KCNAB2: variants seen among roughly 807,000 people sequenced by gnomAD.
The protein encoded by KCNAB2 is potassium voltage-gated channel subfamily A regulatory beta subunit 2.
A neutral mutation model predicts 63.6 loss-of-function variants in KCNAB2; 29 were observed. The ratio of observed to expected loss-of-function variants is 0.46; its 90% confidence interval spans 0.34 to 0.62. The LOEUF is 0.62. KCNAB2 is among the 20% of genes least tolerant of loss of function. The probability of loss-of-function intolerance (pLI) is 0.01; values close to 1 mark genes in which losing one functional copy is unlikely to be tolerated. For synonymous variants in KCNAB2, 222 were observed against 224.2 expected (o/e 0.99, Z 0.09); for missense variants, 359 against 563.9 (o/e 0.64, Z 3.68).
Position 6,003,092 on chromosome 1 carries a change from C to T in KCNAB2, c.-53+10304C>T, listed in dbSNP as rs892784125. 9.9e-5 allele frequency among the ~76,000 whole-genome samples: 15 copies of T among 152,224 alleles called. No individual in the cohort carries two copies. Among genetic ancestry groups the T allele is most frequent in the Admixed American group, 2.0e-4 (3 of 15,294 alleles). On this transcript the variant is annotated intron_variant, in intron 1 of 16. Transcript: ENST00000341524. The surrounding 1 kb of genome is among the most constrained non-coding windows in gnomAD (Gnocchi z 4.1). ...GCCTGATCCTGCGCCCCAGGCGACC[C>T]GTTCACGGGGCGGGCGCTCGCCCTT...
intron 1 of KCNAB2, among the ~76,000 whole-genome samples, chr1:6,012,860 C>A (rs1658272142): frequency 6.6e-6 from 1 of 151,996 alleles, no homozygotes; most frequent in South Asian, 2.1e-4. Context: ...TGTGCAGGTG[C>A]TCACCCATGC....
Position 6,100,428 on chromosome 1 carries a change from G to C in KCNAB2, c.*1854G>C, listed in dbSNP as rs1362160659. 5.8e-6 allele frequency: 1 copy of C among 172,356 alleles called. No homozygotes were observed. The highest frequency in any genetic ancestry group is 1.2e-5 in the Non-Finnish European group (1 of 81,832). The allele number at this position is 172,356 out of a possible 1,614,324, so 10.7% of individuals were successfully genotyped here. On this transcript the variant is annotated 3_prime_UTR_variant, in exon 16 of 16. Transcript: ENST00000378083. ...AGCCTATGGCCCTGGGCCCAGGTGGGGGTCGCCTGCTTCCTTCCCGGACAG... is the reference window on the plus strand; with the variant it reads ...AGCCTATGGCCCTGGGCCCAGGTGGCGGTCGCCTGCTTCCTTCCCGGACAG...
At chr1:6,088,086 G>A (rs1320184774) in intron 7 of KCNAB2, among the ~76,000 whole-genome samples, 1 of 151,716 alleles carries the variant, frequency 6.6e-6, no homozygotes, top group Non-Finnish European at 1.5e-5. Context: ...TTGAGACAGG[G>A]TCTCGCTTTG....
chr1:6,063,872 G>A (rs1662526228), intron 2 of KCNAB2, among the ~76,000 whole-genome samples: 2 of 152,222 alleles, frequency 1.3e-5, no homozygotes, highest in African/African-American at 4.8e-5. Flanking sequence ...GTGGGCGTAT[G>A]TTTTCAGTTA....
chr1:6,087,435 A>G lies in KCNAB2; in HGVS notation c.426-32A>G. On this transcript the variant is annotated intron_variant, in intron 6 of 15. Coordinates refer to ENST00000378083, the MANE Select transcript of KCNAB2 (RefSeq NM_001199862.2). This position sits in a 1 kb window ranked among gnomAD's most constrained non-coding sequence, Gnocchi z 6.4. ...GGAGGACCCCCCAGGGGCCGGGCTTATCACACCCCTTCTTTCTCTTCTGTT... is the reference window on the plus strand; with the variant it reads ...GGAGGACCCCCCAGGGGCCGGGCTTGTCACACCCCTTCTTTCTCTTCTGTT... The G allele has an allele frequency of 6.2e-7, 1 of 1,613,088 alleles. No homozygotes were observed. The highest frequency in any genetic ancestry group is 8.5e-7 in the Non-Finnish European group (1 of 1,179,058).
chr1:6,025,853 TCCC>T (rs1570887340), intron 1 of KCNAB2, among the ~76,000 whole-genome samples: 1 of 111,458 alleles, frequency 9.0e-6, no homozygotes, highest in East Asian at 3.4e-4. Context: ...ACACAGCCGA[TCCC>T]GGCACACAGC....
At chr1:5,999,536 G>T (rs1019624662) in intron 1 of KCNAB2, among the ~76,000 whole-genome samples, 2 of 152,204 alleles carry the variant, frequency 1.3e-5, no homozygotes, top group African/African-American at 4.8e-5. Flanking sequence ...TTGGGAACAT[G>T]TGAAGCCCAC....
At chr1:6,040,528 T>C (rs750142415) in exon 2 of KCNAB2, 1 of 1,569,938 alleles carries the variant, frequency 6.4e-7, no homozygotes, top group Non-Finnish European at 8.8e-7. Flanking sequence ...ATTTTCCCAC[T>C]GTAAAAAACC....
chr1:6,051,563 T>C lies in KCNAB2; in HGVS notation c.27T>C (p.Ser9=). MLSMTYSE[S]LRSVSSRCHS... ...TGCTGTCCATGACGTACAGCGAGAG[T>C]CTGCGGAGCGTGAGCAGCAGGTGCC... Residue 9 remains serine, a synonymous_variant, in exon 2 of 16, where the codon AGT becomes AGC. Coordinates refer to ENST00000378083, the MANE Select transcript of KCNAB2 (RefSeq NM_001199862.2). 1 of 1,532,770 alleles carries C rather than the reference T, an allele frequency of 6.5e-7. No individual in the cohort carries two copies. The highest frequency in any genetic ancestry group is 8.7e-7 in the Non-Finnish European group (1 of 1,144,832). The allele number at this position is 1,532,770 out of a possible 1,614,324, so 94.9% of individuals were successfully genotyped here. A position where few individuals can be genotyped will look rare whatever the true frequency, so the allele number is the denominator to read the frequency against.
In KCNAB2 at chr1:6,096,610, G is replaced by A. The variant is rs369220577; in HGVS notation, c.949-26G>A. Reference sequence around the variant, plus strand: ...AGGTGACCTGCTCTCATCTGTAGCTGTGCTGCTCCCCTCCCCCGCAACCAG... The same window carrying A: ...AGGTGACCTGCTCTCATCTGTAGCTATGCTGCTCCCCTCCCCCGCAACCAG... On this transcript the variant is annotated intron_variant, in intron 13 of 15. Transcript: ENST00000378083. The surrounding 1 kb of genome is among the most constrained non-coding windows in gnomAD (Gnocchi z 5.9). The A allele has an allele frequency of 1.1e-5, 18 of 1,605,280 alleles. No homozygotes were observed. Among genetic ancestry groups the A allele is most frequent in the Non-Finnish European group, 1.4e-5 (17 of 1,176,204 alleles).
intron 2 of KCNAB2, among the ~76,000 whole-genome samples, chr1:6,056,101 G>A (rs1276500614): frequency 6.6e-6 from 1 of 152,124 alleles, no homozygotes; most frequent in African/African-American, 2.4e-5. Flanking sequence ...CTGGAGTGCA[G>A]TGGTGCAATC....
chr1:6,072,954 G>A (rs988463653), intron 3 of KCNAB2, among the ~76,000 whole-genome samples, 156 bp downstream of exon 3: 5 of 151,240 alleles, frequency 3.3e-5, no homozygotes, highest in African/African-American at 9.7e-5. Context: ...AGGGGGGCTC[G>A]GTTGCCATGG....
At chr1:6,082,327 G>A (rs147621580) in intron 5 of KCNAB2, 53 bp downstream of exon 5, 19 of 1,355,874 alleles carry the variant, frequency 1.4e-5, no homozygotes, top group African/African-American at 4.3e-5. Context: ...GGGCAGAGCC[G>A]GAGCTACAGG....
intron 5 of KCNAB2, among the ~76,000 whole-genome samples, chr1:6,084,809 CAAA>C (rs372066219): frequency 7.2e-6 from 1 of 138,910 alleles, no homozygotes; most frequent in African/African-American, 2.7e-5. Context: ...GACTCCATTT[CAAA>C]AAAAAAAAAA....
intron 1 of KCNAB2, among the ~76,000 whole-genome samples, chr1:6,017,211 A>C (rs1220238220): frequency 6.6e-6 from 1 of 152,118 alleles, no homozygotes. Context: ...TGTGCAAAGC[A>C]GATAGGGGAG....
At chr1:6,054,674 G>A (rs906271352) in intron 2 of KCNAB2, among the ~76,000 whole-genome samples, 4 of 152,108 alleles carry the variant, frequency 2.6e-5, no homozygotes, top group African/African-American at 9.7e-5. Flanking sequence ...CCTTCTAGAG[G>A]TTTCCCATTG....
At chr1:6,009,232 G>A (rs1658002863) in intron 1 of KCNAB2, among the ~76,000 whole-genome samples, 1 of 152,238 alleles carries the variant, frequency 6.6e-6, no homozygotes, top group African/African-American at 2.4e-5. Context: ...ATCCCTTGGA[G>A]TATCTGCTTT....
chr1:6,019,499 G>A (rs141034205), intron 1 of KCNAB2, among the ~76,000 whole-genome samples: 14 of 152,256 alleles, frequency 9.2e-5, no homozygotes, highest in African/African-American at 3.4e-4. Context: ...GAAGGAATCA[G>A]CACCATTAAA....
intron 2 of KCNAB2, among the ~76,000 whole-genome samples, chr1:6,052,518 G>T (rs930244763): frequency 1.3e-5 from 2 of 152,148 alleles, no homozygotes; most frequent in African/African-American, 4.8e-5. Flanking sequence ...CTGGGTGTTG[G>T]AGACCCCTGC....
Sources: gnomAD v4.1 joint callset for allele counts (sites outside exome capture counted in the v4.1 genomes callset) on GRCh38, gnomAD v4.1.1 for gene constraint, Gnocchi (gnomAD v3.1) non-coding constraint, MANE v1.5 for transcripts, NCBI Gene and HGNC (gene_info 2026-07-23, HGNC 2026-07-21) for gene names.